The following FOXP2 variants were observed in gnomAD, a reference collection of about 807,000 sequenced individuals.
FOXP2 encodes the protein forkhead box protein P2.
FOXP2 carries 12 observed loss-of-function variants against 115.8 expected under a neutral mutation model. The observed-to-expected ratio is 0.10, with a 90% CI of 0.07 to 0.17. The LOEUF (loss-of-function observed/expected upper bound fraction) is 0.17. FOXP2 is among the 10% of genes least tolerant of loss of function. The probability of loss-of-function intolerance (pLI) is 1.00; values close to 1 mark genes in which losing one functional copy is unlikely to be tolerated. For synonymous variants in FOXP2, 328 were observed against 297.7 expected (o/e 1.10, Z -1.05); for missense variants, 629 against 843.5 (o/e 0.75, Z 3.15).
At chr7:114,686,005 C>T (rs964333902) in intron 16 of FOXP2, among the ~76,000 whole-genome samples, 2 of 150,844 alleles carry the variant, frequency 1.3e-5, no homozygotes, top group South Asian at 2.1e-4. Flanking sequence ...AAATGTGAAC[C>T]GTCTTCACCA....
At chr7:114,156,132 C>T (rs1792661182) in intron 1 of FOXP2, among the ~76,000 whole-genome samples, 1 of 151,534 alleles carries the variant, frequency 6.6e-6, no homozygotes, top group South Asian at 2.1e-4. Flanking sequence ...ACTCACCCAA[C>T]TCCTGAGATC....
chr7:114,267,942 G>A (rs999973859), intron 1 of FOXP2, among the ~76,000 whole-genome samples: 2 of 151,718 alleles, frequency 1.3e-5, no homozygotes, highest in Non-Finnish European at 2.9e-5. Flanking sequence ...TACCCATTAA[G>A]CAATAATATA....
At chr7:114,669,572 T>C (rs971282066) in intron 16 of FOXP2, 3 of 152,048 alleles carry the variant, frequency 2.0e-5, no homozygotes, top group Non-Finnish European at 4.4e-5. Flanking sequence ...TAAAAATGAC[T>C]AGCTTCCTAT....
intron 2 of FOXP2, among the ~76,000 whole-genome samples, chr7:114,322,154 C>G (rs1248219045): frequency 6.6e-6 from 1 of 151,346 alleles, no homozygotes; most frequent in African/African-American, 2.4e-5. Flanking sequence ...TTCTGAGTAA[C>G]TGGAATTACA....
chr7:114,566,890 A>G (rs985353879), intron 3 of FOXP2, among the ~76,000 whole-genome samples: 10 of 151,988 alleles, frequency 6.6e-5, no homozygotes, highest in African/African-American at 2.4e-4. Flanking sequence ...CCATGTATAT[A>G]TTATATATTT....
intron 2 of FOXP2, among the ~76,000 whole-genome samples, chr7:114,491,176 T>C (rs1797032782): frequency 6.6e-6 from 1 of 152,206 alleles, no homozygotes; most frequent in South Asian, 2.1e-4. Flanking sequence ...TGTTGTTTCC[T>C]GACTTTTTAA....
intron 3 of FOXP2, among the ~76,000 whole-genome samples, chr7:114,541,640 A>C (rs1403122978): frequency 6.6e-6 from 1 of 151,942 alleles, no homozygotes; most frequent in African/African-American, 2.4e-5. Context: ...AATAGAAAAT[A>C]GGGAATTAAT....
chr7:114,574,287 A>T (rs763096019), intron 3 of FOXP2, among the ~76,000 whole-genome samples: 10 of 151,822 alleles, frequency 6.6e-5, no homozygotes, highest in Non-Finnish European at 1.3e-4. Flanking sequence ...CTTTGAATTT[A>T]ATAGATAAAA....
At chr7:114,598,662 T>C (rs1802851823) in intron 3 of FOXP2, among the ~76,000 whole-genome samples, 1 of 152,176 alleles carries the variant, frequency 6.6e-6, no homozygotes, top group Non-Finnish European at 1.5e-5. Flanking sequence ...TTCAATAGTG[T>C]TAAGTATATT....
At chr7:114,294,962 A>G (rs930011877) in intron 2 of FOXP2, among the ~76,000 whole-genome samples, 1 of 152,152 alleles carries the variant, frequency 6.6e-6, no homozygotes, top group African/African-American at 2.4e-5. Context: ...CCATAATTCC[A>G]AATTTCATTC....
chr7:114,522,886 T>G (rs1798688452), intron 2 of FOXP2, among the ~76,000 whole-genome samples: 1 of 152,088 alleles, frequency 6.6e-6, no homozygotes, highest in Admixed American at 6.6e-5. Context: ...AAAATGTATC[T>G]TTGTGAATTG....
rs147796172 is a variant in FOXP2 at position 114,196,924 on chromosome 7, G to A, written c.-102+33836G>A. The stretch of plus-strand genomic sequence containing the variant: ...CCCCAAATTTGGGCTGGACATGGTT[G>A]CTCATGCCTATAATCCCAGCATTTT... On this transcript the variant is annotated intron_variant, in intron 1 of 17. Coordinates refer to the FOXP2 transcript ENST00000634411. Among the ~76,000 whole-genome samples, 570 of 152,252 alleles carry A rather than the reference G, an allele frequency of 3.7e-3. 6 individuals carry two copies. Among genetic ancestry groups the A allele is most frequent in the African/African-American group, 0.012 (511 of 41,542 alleles).
chr7:114,372,903 C>T (rs1792048482), intron 2 of FOXP2, among the ~76,000 whole-genome samples: 1 of 152,066 alleles, frequency 6.6e-6, no homozygotes, highest in Non-Finnish European at 1.5e-5. Context: ...CCTTTAAGCT[C>T]CTATTATAAA....
At chr7:114,532,223 T>A (rs1799173933) in intron 2 of FOXP2, among the ~76,000 whole-genome samples, 1 of 151,892 alleles carries the variant, frequency 6.6e-6, no homozygotes, top group African/African-American at 2.4e-5. Flanking sequence ...TAATATAAAA[T>A]GAAATCCGAG....
intron 2 of FOXP2, among the ~76,000 whole-genome samples, chr7:114,429,264 T>C (rs1794002061): frequency 6.6e-6 from 1 of 151,518 alleles, no homozygotes; most frequent in Admixed American, 6.6e-5. Flanking sequence ...TACCATTTAA[T>C]TAATGAATAT....
At chr7:114,420,209 C>G (rs1562915435) in intron 1 of FOXP2, among the ~76,000 whole-genome samples, 1 of 151,906 alleles carries the variant, frequency 6.6e-6, no homozygotes, top group Non-Finnish European at 1.5e-5. Flanking sequence ...TCAGAGCTCT[C>G]ATTAGCCAGG....
At chr7:114,340,992 T>C (rs1360280079) in intron 2 of FOXP2, among the ~76,000 whole-genome samples, 1 of 151,250 alleles carries the variant, frequency 6.6e-6, no homozygotes, top group Admixed American at 6.6e-5. Flanking sequence ...GTAGTTAAGC[T>C]TTTTATTTTA....
chr7:114,413,175 T>C (rs1426500904), upstream of FOXP2, among the ~76,000 whole-genome samples: 1 of 152,146 alleles, frequency 6.6e-6, no homozygotes, highest in Non-Finnish European at 1.5e-5. Context: ...ATCCTTTATT[T>C]CCTCTGGAGT....
rs1793279709 is a variant in FOXP2, at chr7:114,415,142, T to A, written c.-229T>A. 2.2e-6 allele frequency: 1 copy of A among 454,220 alleles called. No homozygotes were observed. Among genetic ancestry groups the A allele is most frequent in the Non-Finnish European group, 4.4e-6 (1 of 226,724 alleles). The allele number at this position is 454,220 out of a possible 1,614,324, so 28.1% of individuals were successfully genotyped here. A position where few individuals can be genotyped will look rare whatever the true frequency, so the allele number is the denominator to read the frequency against. Reference sequence around the variant, plus strand: ...AATTACCAGCACAAAATGCCATCAGTCTGGGACGTGATCGGGCAGAGGTGT... The same window carrying A: ...AATTACCAGCACAAAATGCCATCAGACTGGGACGTGATCGGGCAGAGGTGT... On this transcript the variant is annotated 5_prime_UTR_variant, in exon 1 of 17. Coordinates refer to ENST00000350908, the MANE Select transcript of FOXP2 (RefSeq NM_014491.4).
Sources: gnomAD v4.1 joint callset for allele counts (sites outside exome capture counted in the v4.1 genomes callset) on GRCh38, gnomAD v4.1.1 for gene constraint, MANE v1.5 for transcripts, NCBI Gene and HGNC (gene_info 2026-07-23, HGNC 2026-07-21) for gene names.